Variants in DSCAM observed in about 807,000 individuals in gnomAD.
DSCAM encodes the protein cell adhesion molecule DSCAM.
DSCAM carries 47 observed loss-of-function variants against 217.7 expected under a neutral mutation model. The observed-to-expected ratio is 0.22, with a 90% confidence interval of 0.17 to 0.28. The LOEUF (loss-of-function observed/expected upper bound fraction) is 0.28, where lower values mean the gene tolerates loss of function less well. DSCAM is among the 10% of genes least tolerant of loss of function. The pLI is 1.00. For synonymous variants in DSCAM, 1,056 were observed against 1,015.3 expected (o/e 1.04, Z -0.76); for missense variants, 2,080 against 2,618.3 (o/e 0.79, Z 4.49).
intron 11 of DSCAM, among the ~76,000 whole-genome samples, chr21:40,231,548 G>A (rs1401603087): frequency 6.6e-6 from 1 of 151,804 alleles, no homozygotes; most frequent in African/African-American, 2.4e-5. Context: ...TGTTGCTCAG[G>A]CTGGAATACA....
chr21:40,724,934 CA>C (rs1352010040), intron 1 of DSCAM, among the ~76,000 whole-genome samples: 1 of 152,182 alleles, frequency 6.6e-6, no homozygotes, highest in African/African-American at 2.4e-5. Context: ...ATGTAACGCA[CA>C]GGTTTAAGTT....
At chr21:40,654,394 T>C (rs998108293) in intron 3 of DSCAM, among the ~76,000 whole-genome samples, 1 of 152,204 alleles carries the variant, frequency 6.6e-6, no homozygotes, top group Non-Finnish European at 1.5e-5. Flanking sequence ...TGTCAGCACA[T>C]GGCACATGTG....
At chr21:40,673,890 C>T (rs571144034) in intron 3 of DSCAM, among the ~76,000 whole-genome samples, 3 of 152,144 alleles carry the variant, frequency 2.0e-5, no homozygotes, top group South Asian at 2.1e-4. Context: ...AACCGTGAGC[C>T]GGTTAAATCT....
chr21:40,823,809 CAT>C (rs1165283330), intron 1 of DSCAM, among the ~76,000 whole-genome samples: 10 of 152,294 alleles, frequency 6.6e-5, no homozygotes, highest in Admixed American at 4.6e-4. Context: ...CTGATCCATA[CAT>C]ATTGCAATGC....
At chr21:40,602,326 G>A (rs949254850) in intron 3 of DSCAM, among the ~76,000 whole-genome samples, 1 of 152,104 alleles carries the variant, frequency 6.6e-6, no homozygotes, top group African/African-American at 2.4e-5. Context: ...TTCTCAAAGT[G>A]CTGAGATCAT....
chr21:40,276,112 A>G lies in DSCAM; in HGVS notation c.2341T>C (p.Tyr781His). ...DVGADVSKSM[Y>H]LTVKIPAMIT... ...TCTCTCTTACTTTTAACCGTGAGGT[A>G]CATGGACTTGCTGACGTCTGCGCCC... is the stretch of plus-strand genomic sequence containing the variant. The change falls in exon 11 of 33, where the codon TAC (tyrosine) becomes CAC (histidine). Residue 781 changes from tyrosine (Y) to histidine (H), a missense_variant. Around this residue, in one of 5 missense-constraint regions of DSCAM, gnomAD observed 218 missense variants for 364.1 expected, o/e 0.60. Transcript: ENST00000400454. The G allele has an allele frequency of 6.3e-7, 1 of 1,598,158 alleles. No homozygotes were observed.
chr21:40,382,935 G>A (rs1051204467), intron 3 of DSCAM: 1 of 152,220 alleles, frequency 6.6e-6, no homozygotes, highest in Non-Finnish European at 1.5e-5. Flanking sequence ...TAATGAGAAG[G>A]AAAGGAAACA....
At chr21:40,152,643 A>C (rs919328948) in intron 16 of DSCAM, among the ~76,000 whole-genome samples, 7 of 152,228 alleles carry the variant, frequency 4.6e-5, no homozygotes, top group Admixed American at 3.3e-4. Flanking sequence ...CTCCATGACA[A>C]CAGTCGCACC....
intron 3 of DSCAM, among the ~76,000 whole-genome samples, chr21:40,532,861 C>G (rs1035817751): frequency 2.8e-5 from 4 of 141,522 alleles, no homozygotes; most frequent in Non-Finnish European, 6.1e-5. Flanking sequence ...AAAACAGCCA[C>G]AAGGCTCTGT....
chr21:40,239,252 T>C (rs1234689800), intron 11 of DSCAM, among the ~76,000 whole-genome samples: 1 of 152,170 alleles, frequency 6.6e-6, no homozygotes, highest in Non-Finnish European at 1.5e-5. Context: ...TCCTTTTTTT[T>C]CAAAGTGAGA....
intron 11 of DSCAM, among the ~76,000 whole-genome samples, chr21:40,191,472 AT>A (rs1339780369): frequency 6.6e-6 from 1 of 152,014 alleles, no homozygotes; most frequent in African/African-American, 2.4e-5. Flanking sequence ...TTTGGTTCTG[AT>A]CCCCCCCTTC....
chr21:40,165,808 C>T (rs1020721300), intron 16 of DSCAM, among the ~76,000 whole-genome samples: 5 of 152,158 alleles, frequency 3.3e-5, no homozygotes, highest in African/African-American at 1.2e-4. Flanking sequence ...GTCTTCAATT[C>T]AAGACAGAGT....
At chr21:40,485,976 C>A (rs889942715) in intron 3 of DSCAM, among the ~76,000 whole-genome samples, 6 of 152,156 alleles carry the variant, frequency 3.9e-5, no homozygotes, top group African/African-American at 1.4e-4. Flanking sequence ...ATTCTTTTAA[C>A]TTGCTTGTGT....
intron 16 of DSCAM, among the ~76,000 whole-genome samples, chr21:40,161,349 T>C (rs528743956): frequency 1.3e-4 from 20 of 152,154 alleles, no homozygotes; most frequent in African/African-American, 4.3e-4. Flanking sequence ...GAAACATGCA[T>C]AGTTTACATA....
chr21:40,614,939 TTA>T (rs1029184928), intron 3 of DSCAM, among the ~76,000 whole-genome samples: 10 of 151,618 alleles, frequency 6.6e-5, no homozygotes, highest in African/African-American at 1.2e-4. Context: ...AAATATATAT[TTA>T]TGTTTTTATT....
intron 3 of DSCAM, among the ~76,000 whole-genome samples, chr21:40,662,666 G>T (rs975058948): frequency 2.6e-5 from 4 of 152,160 alleles, no homozygotes; most frequent in Non-Finnish European, 5.9e-5. Context: ...ATGATGCTAT[G>T]GGAGGTGGGG....
At chr21:40,659,227 C>T (rs1224783847) in intron 3 of DSCAM, among the ~76,000 whole-genome samples, 1 of 152,162 alleles carries the variant, frequency 6.6e-6, no homozygotes, top group Non-Finnish European at 1.5e-5. Context: ...CAAAATAAAA[C>T]CTTGGCCCCA....
chr21:40,818,242 C>CT (rs2091898962), intron 1 of DSCAM, among the ~76,000 whole-genome samples: 1 of 149,662 alleles, frequency 6.7e-6, no homozygotes, highest in South Asian at 2.1e-4. Flanking sequence ...GTGTTGTTTT[C>CT]TTTTTAAAAA....
chr21:40,453,778 C>G (rs974808349), intron 3 of DSCAM, among the ~76,000 whole-genome samples: 1 of 152,212 alleles, frequency 6.6e-6, no homozygotes, highest in Non-Finnish European at 1.5e-5. Flanking sequence ...CAAACAGTCC[C>G]TGCCCTCCTG....
Sources: allele counts gnomAD v4.1 joint callset (sites outside exome capture counted in the v4.1 genomes callset), GRCh38; gene constraint gnomAD v4.1.1; regional missense constraint gnomAD v4.1.1; transcripts MANE v1.5; gene names NCBI Gene and HGNC (gene_info 2026-07-23, HGNC 2026-07-21).